Variants in DIMT1 observed in about 807,000 individuals in gnomAD.
The protein encoded by DIMT1 is DIM1 rRNA methyltransferase and ribosome maturation factor, also known as dimethyladenosine transferase.
A neutral mutation model predicts 43.2 loss-of-function variants in DIMT1; 36 were observed. The ratio of observed to expected loss-of-function variants is 0.83; its 90% CI spans 0.64 to 1.10. The LOEUF (loss-of-function observed/expected upper bound fraction) is 1.10, where lower values mean the gene tolerates loss of function less well. DIMT1 is among the 50% of genes least tolerant of loss of function. DIMT1 has a pLI of 0.00. For missense variants in DIMT1, 341 were observed against 385.3 expected, an observed-to-expected ratio of 0.88 and a Z score of 0.96; for synonymous variants, 126 against 130.3, an observed-to-expected ratio of 0.97 and a Z score of 0.22.
At chr5:62,389,485 C>CAAAAAAGAAAAAAAA (rs1742195820) in intron 11 of DIMT1, among the ~76,000 whole-genome samples, 1 of 75,912 alleles carries the variant, frequency 1.3e-5, no homozygotes, top group Non-Finnish European at 2.5e-5. Context: ...GACTCTGTCT[C>CAAAAAAGAAAAAAAA]AAAAAAAAAA....
intron 11 of DIMT1, among the ~76,000 whole-genome samples, chr5:62,390,184 CCTT>C (rs1311858313): frequency 2.0e-5 from 3 of 152,158 alleles, no homozygotes; most frequent in Non-Finnish European, 2.9e-5. Context: ...ATAGGCAAGA[CCTT>C]CTGAAAGTTA....
intron 6 of DIMT1, 124 bp from the exon 7 acceptor site, chr5:62,394,731 A>T: frequency 7.3e-7 from 1 of 1,372,168 alleles, no homozygotes; most frequent in Non-Finnish European, 9.9e-7. Flanking sequence ...AAGGTAGGAG[A>T]ACACATTCAG....
chr5:62,394,879 C>T (rs1044719548), intron 6 of DIMT1, among the ~76,000 whole-genome samples: 3 of 152,108 alleles, frequency 2.0e-5, no homozygotes, highest in African/African-American at 7.2e-5. Flanking sequence ...TCCATCACCT[C>T]TTCTATGAAA....
chr5:62,394,555 GT>G lies in DIMT1; in HGVS notation c.498del (p.Lys166AsnfsTer23). 1 of 1,614,184 alleles carries G rather than the reference GT, an allele frequency of 6.2e-7. No homozygotes were observed. On this transcript the variant is annotated frameshift_variant, in exon 7 of 12. Coordinates refer to ENST00000199320, the MANE Select transcript of DIMT1 (RefSeq NM_014473.4). LOFTEE classifies it high-confidence loss of function. ...AGTCTGCAGTATAACTTATCTCCAG[GT>G]TTTGCAACCAGTCGGAGGGCAAATT... ...QREFALRLVA[K>X]PGDKLYCRLS...
At position 62,388,063 on chromosome 5, in the gene DIMT1, T is replaced by C. The variant is rs1409777219; in HGVS notation, c.*947A>G. 1 of 152,182 alleles carries C rather than the reference T, an allele frequency of 6.6e-6. No individual in the cohort carries two copies. Among genetic ancestry groups the C allele is most frequent in the East Asian group, 1.9e-4 (1 of 5,208 alleles). 9.4% of individuals were successfully genotyped at this position (152,182 alleles called of 1,614,324 possible). ...ATATTGACTTAAACATAGTAGCTAA[T>C]AAAACTAGTTTATGACATCTATTGA... is the stretch of plus-strand genomic sequence containing the variant. On this transcript the variant is annotated 3_prime_UTR_variant, in exon 12 of 12. Transcript: ENST00000199320.
chr5:62,392,362 T>C, intron 9 of DIMT1, 128 bp from the exon 10 acceptor site: 1 of 722,902 alleles, frequency 1.4e-6, no homozygotes, highest in East Asian at 2.7e-5. Context: ...TGAAATTAAA[T>C]CTATATTCTG....
At chr5:62,394,676 G>T in intron 6 of DIMT1, 69 bp from the exon 7 acceptor site, 13 of 1,596,788 alleles carry the variant, frequency 8.1e-6, no homozygotes, top group Non-Finnish European at 1.1e-5. Flanking sequence ...TAACTGCAAT[G>T]AATTTTCTTG....
chr5:62,391,655 A>G (rs1742308118), intron 10 of DIMT1: 1 of 1,098,798 alleles, frequency 9.1e-7, no homozygotes, highest in African/African-American at 1.6e-5. Context: ...CTAAAAAGAT[A>G]GCAAACATCA....
At chr5:62,390,351 G>C (rs1049423307) in intron 11 of DIMT1, among the ~76,000 whole-genome samples, 3 of 152,162 alleles carry the variant, frequency 2.0e-5, no homozygotes, top group Admixed American at 6.5e-5. Context: ...CTTTTTACTT[G>C]AGAAGTGTAG....
At position 62,403,862 on chromosome 5, in the gene DIMT1, ACGCGC is replaced by A; in HGVS notation, c.-95_-91del. ...AAGCCACCACGTGGGGATCGCCGCC[ACGCGC>A]CGCCCGCACCACTCTGGCCCAAGCG... On this transcript the variant is annotated 5_prime_UTR_variant, in exon 1 of 12. Coordinates refer to ENST00000199320, the MANE Select transcript of DIMT1 (RefSeq NM_014473.4). 2 of 1,387,156 alleles carry A rather than the reference ACGCGC, an allele frequency of 1.4e-6. No individual in the cohort carries two copies. The highest frequency in any genetic ancestry group is 9.9e-7 in the Non-Finnish European group (1 of 1,012,970). The allele number at this position is 1,387,156 out of a possible 1,614,324, so 85.9% of individuals were successfully genotyped here.
intron 1 of DIMT1, 95 bp downstream of exon 1, chr5:62,403,599 G>C (rs893231859): frequency 7.0e-7 from 1 of 1,428,212 alleles, no homozygotes. Context: ...CGTCCTGACC[G>C]GCCTCTGCCG....
At position 62,392,020 on chromosome 5, in the gene DIMT1, A is replaced by C. The variant is rs1201458258; in HGVS notation, c.792+151T>G. Reference sequence around the variant, plus strand: ...AGCAGCACTGACCTGTCAGAATTCAAGTCAAAATTGTGCTAGTTATACATT... The same window carrying C: ...AGCAGCACTGACCTGTCAGAATTCACGTCAAAATTGTGCTAGTTATACATT... On this transcript the variant is annotated intron_variant, in intron 10 of 11. Transcript: ENST00000199320. 5 of 1,550,062 alleles carry C rather than the reference A, an allele frequency of 3.2e-6. No homozygotes were observed. In the African/African-American group the frequency reaches 6.8e-5, roughly 21 times the overall value.
Position 62,391,759 on chromosome 5 carries a change from A to G in DIMT1, c.792+412T>C, listed in dbSNP as rs1182107610. ...TGAACTTTATTTCAATTTCTATACAAAGAAAGTAATAACTATATTTGTAAC... is the reference window on the plus strand; with the variant it reads ...TGAACTTTATTTCAATTTCTATACAGAGAAAGTAATAACTATATTTGTAAC... On this transcript the variant is annotated intron_variant, in intron 10 of 11. Coordinates refer to ENST00000199320, the MANE Select transcript of DIMT1 (RefSeq NM_014473.4). 1.2e-5 allele frequency: 17 copies of G among 1,364,640 alleles called. No individual in the cohort carries two copies. The East Asian group carries it at 3.7e-4, about 30-fold the overall frequency. 84.5% of individuals were successfully genotyped at this position (1,364,640 alleles called of 1,614,324 possible).
In DIMT1 at chr5:62,392,241, CA is replaced by C; in HGVS notation, c.729-8del. 1 of 1,610,162 alleles carries C rather than the reference CA, an allele frequency of 6.2e-7. No individual in the cohort carries two copies. Among genetic ancestry groups the C allele is most frequent in the Non-Finnish European group, 8.5e-7 (1 of 1,178,534 alleles). On this transcript the variant is annotated splice_polypyrimidine_tract_variant and splice_region_variant and intron_variant, in intron 9 of 11. Coordinates refer to ENST00000199320, the MANE Select transcript of DIMT1 (RefSeq NM_014473.4). ...TTGTTGCACTGCACTTGATCTATAG[CA>C]TAAAGAAGTGATGCCACTGTTATTA...
At chr5:62,399,682 G>A (rs931563091) in intron 3 of DIMT1, among the ~76,000 whole-genome samples, 4 of 148,966 alleles carry the variant, frequency 2.7e-5, no homozygotes, top group Admixed American at 1.3e-4. Flanking sequence ...TGAGGTGGGC[G>A]GATCATGAGT....
intron 8 of DIMT1, among the ~76,000 whole-genome samples, chr5:62,393,326 C>T (rs918577821): frequency 2.6e-5 from 4 of 151,838 alleles, no homozygotes; most frequent in South Asian, 2.1e-4. Flanking sequence ...GTGGGAGGAT[C>T]GCTTGAGACC....
intron 11 of DIMT1, among the ~76,000 whole-genome samples, chr5:62,389,349 G>A (rs1580117079): frequency 6.6e-6 from 1 of 151,842 alleles, no homozygotes; most frequent in East Asian, 1.9e-4. Context: ...AGCCTGGCAT[G>A]GTGGCACATG....
intron 9 of DIMT1, chr5:62,392,705 C>A (rs1364222551): frequency 1.4e-5 from 6 of 433,204 alleles, no homozygotes; most frequent in Non-Finnish European, 2.4e-5. Flanking sequence ...GAGTGTTTTC[C>A]TGTTTTGCCA....
intron 6 of DIMT1, among the ~76,000 whole-genome samples, chr5:62,397,891 G>A (rs1182785836): frequency 5.3e-5 from 8 of 152,024 alleles, no homozygotes; most frequent in Non-Finnish European, 1.0e-4. Flanking sequence ...CTCATGATCC[G>A]CCTGCCTTGG....
Sources: gnomAD v4.1 joint callset for allele counts (sites outside exome capture counted in the v4.1 genomes callset) on GRCh38, gnomAD v4.1.1 for gene constraint, MANE v1.5 for transcripts, NCBI Gene and HGNC (gene_info 2026-07-23, HGNC 2026-07-21) for gene names.